FSTL5: variants seen among roughly 807,000 people sequenced by gnomAD.
FSTL5 encodes follistatin like 5.
In FSTL5, 62 loss-of-function variants were observed where a neutral mutation model predicts 89.1. The observed-to-expected ratio is 0.70, with a 90% CI of 0.57 to 0.86. The LOEUF is 0.86. Among genes scored for constraint, FSTL5 ranks in the 40% least tolerant of loss-of-function variants. FSTL5 has a pLI of 0.00. For missense variants in FSTL5, 1,057 were observed against 1,001.6 expected (o/e 1.06, Z -0.75); for synonymous variants, 383 against 346.2 (o/e 1.11, Z -1.18).
chr4:162,127,118 T>C (rs1372369950), intron 1 of FSTL5, among the ~76,000 whole-genome samples: 3 of 152,164 alleles, frequency 2.0e-5, no homozygotes, highest in Admixed American at 6.5e-5. Flanking sequence ...ACTGGTTTGA[T>C]TGTGGCAGCT....
chr4:161,397,763 G>GA (rs1401321510), intron 15 of FSTL5, among the ~76,000 whole-genome samples: 1 of 151,450 alleles, frequency 6.6e-6, no homozygotes, highest in Non-Finnish European at 1.5e-5. Flanking sequence ...ACAAATGAGA[G>GA]AAAATATGAC....
At chr4:161,502,009 A>G (rs540716515) in intron 11 of FSTL5, among the ~76,000 whole-genome samples, 60 of 152,166 alleles carry the variant, frequency 3.9e-4, no homozygotes, top group Admixed American at 1.2e-3. Context: ...TGTCTGTTAC[A>G]TACTATGTTT....
chr4:161,436,614 C>T (rs1732568912), intron 15 of FSTL5, among the ~76,000 whole-genome samples: 1 of 152,120 alleles, frequency 6.6e-6, no homozygotes, highest in South Asian at 2.1e-4. Flanking sequence ...AGGTATCAAA[C>T]TCTGTTTATG....
At chr4:161,389,896 A>C (rs565176669) in intron 15 of FSTL5, among the ~76,000 whole-genome samples, 11 of 152,318 alleles carry the variant, frequency 7.2e-5, no homozygotes, top group African/African-American at 2.4e-4. Flanking sequence ...CCACAAACTT[A>C]TTATCAATTT....
chr4:161,933,155 T>G (rs529392496), intron 3 of FSTL5, among the ~76,000 whole-genome samples: 1 of 152,240 alleles, frequency 6.6e-6, no homozygotes, highest in East Asian at 1.9e-4. Flanking sequence ...GAGGAAAGTG[T>G]GACATGGTCT....
chr4:161,447,878 G>A (rs866117610), intron 15 of FSTL5, among the ~76,000 whole-genome samples: 5 of 152,196 alleles, frequency 3.3e-5, no homozygotes, highest in African/African-American at 7.2e-5. Flanking sequence ...AAAAGTATAC[G>A]TATATACTTT....
At chr4:161,515,393 G>C (rs929658330) in intron 10 of FSTL5, among the ~76,000 whole-genome samples, 5 of 151,898 alleles carry the variant, frequency 3.3e-5, no homozygotes, top group Non-Finnish European at 7.4e-5. Flanking sequence ...TTTTAGTAGA[G>C]ATGGCATTTC....
chr4:161,771,902 GACTA>G (rs1254128091), intron 5 of FSTL5, among the ~76,000 whole-genome samples: 3 of 152,154 alleles, frequency 2.0e-5, no homozygotes. Flanking sequence ...CAGACTGAAA[GACTA>G]ACTGTGCAAT....
At chr4:161,505,845 G>A (rs1730460555) in intron 11 of FSTL5, among the ~76,000 whole-genome samples, 2 of 151,924 alleles carry the variant, frequency 1.3e-5, no homozygotes, top group Non-Finnish European at 2.9e-5. Context: ...AAAAAGCTTA[G>A]ACTGATGTAA....
intron 6 of FSTL5, among the ~76,000 whole-genome samples, chr4:161,700,681 G>A (rs1289744504): frequency 6.6e-6 from 1 of 151,964 alleles, no homozygotes; most frequent in Non-Finnish European, 1.5e-5. Flanking sequence ...CTGGCCAAGA[G>A]TAAAATTTTC....
At chr4:161,914,165 T>C (rs1204889799) in intron 4 of FSTL5, among the ~76,000 whole-genome samples, 1 of 152,138 alleles carries the variant, frequency 6.6e-6, no homozygotes, top group Non-Finnish European at 1.5e-5. Context: ...ACTGACGAAA[T>C]GTTCTTGTTT....
intron 6 of FSTL5, among the ~76,000 whole-genome samples, chr4:161,709,358 T>C (rs918735619): frequency 2.0e-5 from 3 of 152,162 alleles, no homozygotes; most frequent in East Asian, 3.9e-4. Flanking sequence ...TCTTATTGAA[T>C]TATAAAATGA....
intron 6 of FSTL5, among the ~76,000 whole-genome samples, chr4:161,732,205 G>T (rs1739634353): frequency 6.6e-6 from 1 of 151,974 alleles, no homozygotes; most frequent in African/African-American, 2.4e-5. Flanking sequence ...AATTTAGTAG[G>T]ATTATATAGC....
chr4:162,036,443 C>T (rs948050656), intron 2 of FSTL5, among the ~76,000 whole-genome samples: 2 of 151,954 alleles, frequency 1.3e-5, no homozygotes, highest in Non-Finnish European at 2.9e-5. Flanking sequence ...TTTGAAATTA[C>T]TTTGACTATA....
At chr4:161,669,448 T>C (rs1737019586) in intron 6 of FSTL5, among the ~76,000 whole-genome samples, 1 of 151,862 alleles carries the variant, frequency 6.6e-6, no homozygotes, top group Non-Finnish European at 1.5e-5. Flanking sequence ...AATAGACAAA[T>C]AGATCAATGG....
intron 2 of FSTL5, among the ~76,000 whole-genome samples, chr4:162,108,251 C>T (rs1227764419): frequency 1.3e-5 from 2 of 152,012 alleles, no homozygotes; most frequent in African/African-American, 4.8e-5. Flanking sequence ...TTTTCAATTA[C>T]ATTTATGTTT....
intron 3 of FSTL5, among the ~76,000 whole-genome samples, chr4:161,974,816 A>G (rs1405337355): frequency 1.3e-5 from 2 of 149,854 alleles, no homozygotes; most frequent in African/African-American, 4.9e-5. Flanking sequence ...TGAACAGGCA[A>G]CCTACAACAT....
intron 12 of FSTL5, among the ~76,000 whole-genome samples, chr4:161,481,753 T>C (rs1729518432): frequency 6.6e-6 from 1 of 152,210 alleles, no homozygotes; most frequent in Non-Finnish European, 1.5e-5. Flanking sequence ...AAGCTTCTTA[T>C]TCTGCTTCCT....
intron 2 of FSTL5, among the ~76,000 whole-genome samples, chr4:162,058,448 A>G (rs1052200643): frequency 6.0e-5 from 7 of 116,818 alleles, no homozygotes; most frequent in Non-Finnish European, 1.2e-4. Flanking sequence ...TTTTTTTGAG[A>G]CAGGGTCTCG....
Sources: gnomAD v4.1 joint callset for allele counts (sites outside exome capture counted in the v4.1 genomes callset) on GRCh38, gnomAD v4.1.1 for gene constraint, MANE v1.5 for transcripts, NCBI Gene and HGNC (gene_info 2026-07-23, HGNC 2026-07-21) for gene names.